Variants in TBC1D22B observed in about 807,000 individuals in gnomAD.
TBC1D22B encodes the protein TBC1 domain family member 22B, also known as chromosome 6 open reading frame 197.
In TBC1D22B, 32 loss-of-function variants were observed where a neutral mutation model predicts 69.1. The ratio of observed to expected loss-of-function variants is 0.46; its 90% CI spans 0.35 to 0.62. The LOEUF (loss-of-function observed/expected upper bound fraction) is 0.62, where lower values mean the gene tolerates loss of function less well. Ranked by LOEUF, TBC1D22B falls within the 20% of genes least tolerant of loss-of-function variation. The pLI, the probability that TBC1D22B is intolerant of heterozygous loss-of-function variation, is 0.00. For missense variants in TBC1D22B, 462 were observed against 630.9 expected (o/e 0.73, Z 2.87); for synonymous variants, 206 against 229.8 (o/e 0.90, Z 0.94).
At chr6:37,258,028 T>C in intron 1 of TBC1D22B, 55 bp downstream of exon 1, 1 of 1,587,402 alleles carries the variant, frequency 6.3e-7, no homozygotes, top group Non-Finnish European at 8.6e-7. Flanking sequence ...TTCCAGATCC[T>C]AATCCCTGAA....
intron 2 of TBC1D22B, among the ~76,000 whole-genome samples, chr6:37,274,245 C>T (rs1369456858): frequency 6.6e-6 from 1 of 152,214 alleles, no homozygotes; most frequent in Non-Finnish European, 1.5e-5. Flanking sequence ...CTAAATTTCT[C>T]CACTTCACAT....
chr6:37,293,538 T>G (rs1330608135), intron 8 of TBC1D22B, among the ~76,000 whole-genome samples: 1 of 152,184 alleles, frequency 6.6e-6, no homozygotes, highest in African/African-American at 2.4e-5. Context: ...CAGCTGGTCC[T>G]TCCTCATCTC....
chr6:37,273,679 C>T (rs1766574421), intron 2 of TBC1D22B, among the ~76,000 whole-genome samples: 1 of 152,160 alleles, frequency 6.6e-6, no homozygotes. Context: ...GTTTAGTTGT[C>T]ACTGGATTAA....
chr6:37,290,878 T>C (rs1767157655), intron 7 of TBC1D22B, among the ~76,000 whole-genome samples: 1 of 152,104 alleles, frequency 6.6e-6, no homozygotes, highest in South Asian at 2.1e-4. Context: ...TGTCCTGATA[T>C]CTTGCTCTTG....
chr6:37,280,500 T>C (rs1226057183), intron 3 of TBC1D22B, among the ~76,000 whole-genome samples: 2 of 152,246 alleles, frequency 1.3e-5, no homozygotes, highest in Non-Finnish European at 2.9e-5. Context: ...GGCTCTAGCA[T>C]GAACCTTCAG....
intron 10 of TBC1D22B, among the ~76,000 whole-genome samples, chr6:37,314,980 G>A (rs1022226627): frequency 2.0e-5 from 3 of 152,116 alleles, no homozygotes; most frequent in Non-Finnish European, 4.4e-5. Context: ...TGGCCCAGCT[G>A]TTAGCCCTCA....
At chr6:37,283,283 C>T (rs1270383082) in intron 5 of TBC1D22B, among the ~76,000 whole-genome samples, 1 of 152,166 alleles carries the variant, frequency 6.6e-6, no homozygotes, top group East Asian at 1.9e-4. Flanking sequence ...CTGTTTCAGC[C>T]GGAATAACCA....
intron 10 of TBC1D22B, among the ~76,000 whole-genome samples, chr6:37,316,396 G>A (rs993636248): frequency 2.6e-5 from 4 of 152,160 alleles, no homozygotes; most frequent in South Asian, 2.1e-4. Context: ...TACTAAGGTT[G>A]AGCAGCCAAG....
rs762114883 is a variant in TBC1D22B at position 37,313,872 on chromosome 6, G to A, written c.1146G>A (p.Glu382=). 6.2e-7 allele frequency: 1 copy of A among 1,614,212 alleles called. No individual in the cohort carries two copies. Among genetic ancestry groups the A allele is most frequent in the Non-Finnish European group, 8.5e-7 (1 of 1,180,018 alleles). ...GIQKKVKALE[E]LVSRIDEQVH... is the part of the protein sequence containing the mutation. ...AGAAGAAGGTGAAGGCACTGGAAGA[G>A]CTTGTCAGCCGGATTGATGGTAGGT... Residue 382 remains glutamate, a synonymous_variant, in exon 10 of 13, where the codon GAG becomes GAA. Transcript: ENST00000373491.
chr6:37,267,421 C>CAT lies in TBC1D22B; in HGVS notation c.57-2169_57-2168dup, dbSNP rs1350550044. Among the ~76,000 whole-genome samples, 253 of 130,210 alleles carry CAT rather than the reference C, an allele frequency of 1.9e-3. 1 individual carries two copies. The highest frequency in any genetic ancestry group is 3.9e-3 in the Middle Eastern group (1 of 256). 85.4% of individuals were successfully genotyped at this position (130,210 alleles called of 152,430 possible). On this transcript the variant is annotated intron_variant, in intron 1 of 12. Coordinates refer to ENST00000373491, the MANE Select transcript of TBC1D22B (RefSeq NM_017772.4). ...CACACATATATAATATATATATACA[C>CAT]ATATAATATATATACACACATATAT...
chr6:37,264,779 T>G (rs949311126), intron 1 of TBC1D22B, among the ~76,000 whole-genome samples: 6 of 152,280 alleles, frequency 3.9e-5, no homozygotes, highest in Non-Finnish European at 2.9e-5. Flanking sequence ...GATACAATTT[T>G]GAAAAGGGAT....
chr6:37,267,560 T>C (rs951424753), intron 1 of TBC1D22B, among the ~76,000 whole-genome samples: 6 of 145,314 alleles, frequency 4.1e-5, no homozygotes, highest in Non-Finnish European at 6.0e-5. Flanking sequence ...CATATATATA[T>C]ACACACACAC....
chr6:37,267,489 TAA>T, intron 1 of TBC1D22B, among the ~76,000 whole-genome samples: 1 of 2,240 alleles, frequency 4.5e-4, no homozygotes, highest in South Asian at 0.023. Flanking sequence ...ACACTATATA[TAA>T]TATATATACA....
intron 1 of TBC1D22B, among the ~76,000 whole-genome samples, chr6:37,262,989 A>T (rs764719715): frequency 1.3e-5 from 2 of 152,236 alleles, no homozygotes; most frequent in African/African-American, 2.4e-5. Context: ...AGCATATTCC[A>T]TGGCATTCTT....
intron 12 of TBC1D22B, among the ~76,000 whole-genome samples, chr6:37,322,518 A>G (rs925185238): frequency 6.6e-6 from 1 of 152,250 alleles, no homozygotes; most frequent in Non-Finnish European, 1.5e-5. Flanking sequence ...CTCTGTCTCA[A>G]AAAAAGAAAA....
intron 2 of TBC1D22B, among the ~76,000 whole-genome samples, chr6:37,278,681 A>G (rs1308487631): frequency 2.0e-5 from 3 of 152,112 alleles, no homozygotes; most frequent in South Asian, 2.1e-4. Flanking sequence ...TGTAACCCCA[A>G]CGATTTGGGA....
chr6:37,331,239 G>A lies in TBC1D22B; in HGVS notation c.*67G>A, dbSNP rs1768574029. The A allele has an allele frequency of 2.6e-5, 41 of 1,548,452 alleles. 1 individual carries two copies. In the South Asian group the frequency reaches 4.7e-4, roughly 18 times the overall value. On this transcript the variant is annotated 3_prime_UTR_variant, in exon 13 of 13. Coordinates refer to ENST00000373491, the MANE Select transcript of TBC1D22B (RefSeq NM_017772.4). ...TGGCAGTCTGATCACTGTGGCCACT[G>A]TGCGAGCCGTGGACCCCGGCCAGGA...
At chr6:37,259,035 T>C (rs1583512947) in intron 1 of TBC1D22B, among the ~76,000 whole-genome samples, 3 of 142,924 alleles carry the variant, frequency 2.1e-5, no homozygotes, top group African/African-American at 7.8e-5. Flanking sequence ...TTTTTTTAAA[T>C]GAAATAGAGA....
chr6:37,314,736 C>T (rs1029493749), intron 10 of TBC1D22B, among the ~76,000 whole-genome samples: 2 of 152,166 alleles, frequency 1.3e-5, no homozygotes, highest in African/African-American at 4.8e-5. Flanking sequence ...ATTGGATTTT[C>T]TGCTTCACCC....
Sources: allele counts gnomAD v4.1 joint callset (sites outside exome capture counted in the v4.1 genomes callset), GRCh38; gene constraint gnomAD v4.1.1; transcripts MANE v1.5; gene names NCBI Gene and HGNC (gene_info 2026-07-23, HGNC 2026-07-21).